The following THSD7A variants were observed in gnomAD, a reference collection of about 807,000 sequenced individuals.
THSD7A encodes thrombospondin type 1 domain containing 7A, also known as thrombospondin type-1 domain-containing protein 7A.
Under a neutral mutation model 231.3 loss-of-function variants are expected in THSD7A, and 96 were observed. That is an observed-to-expected ratio of 0.41 (90% CI 0.35 to 0.49). The LOEUF (loss-of-function observed/expected upper bound fraction) is 0.49. Ranked by LOEUF, THSD7A falls within the 20% of genes least tolerant of loss-of-function variation. The pLI, the probability that THSD7A is intolerant of heterozygous loss-of-function variation, is 0.05. For synonymous variants in THSD7A, 940 were observed against 743.3 expected, an observed-to-expected ratio of 1.26 and a Z score of -4.30; for missense variants, 2,290 against 2,070.2, an observed-to-expected ratio of 1.11 and a Z score of -2.06.
intron 4 of THSD7A, among the ~76,000 whole-genome samples, chr7:11,574,533 C>G (rs1176275563): frequency 6.6e-6 from 1 of 150,742 alleles, no homozygotes; most frequent in African/African-American, 2.4e-5. Flanking sequence ...CTCCCGGGTT[C>G]ACGCCATTCT....
chr7:11,439,580 AAAT>A (rs1187613427), intron 13 of THSD7A, among the ~76,000 whole-genome samples: 2 of 152,080 alleles, frequency 1.3e-5, no homozygotes, highest in African/African-American at 4.8e-5. Flanking sequence ...GTGAACACAC[AAAT>A]AATAAGAAAG....
chr7:11,755,890 A>G (rs757968689), intron 1 of THSD7A, among the ~76,000 whole-genome samples: 1 of 152,134 alleles, frequency 6.6e-6, no homozygotes, highest in Non-Finnish European at 1.5e-5. Flanking sequence ...TTTTGTGTCA[A>G]TAACAACTTT....
Position 11,797,661 on chromosome 7 carries a change from C to T in THSD7A, c.190+34096G>A, listed in dbSNP as rs373220436. 2.2e-4 allele frequency among the ~76,000 whole-genome samples: 34 copies of T among 151,982 alleles called. No individual in the cohort carries two copies. In the East Asian group the frequency reaches 2.3e-3, roughly 10 times the overall value. ...CTCAAACTTCTGGCCTTAAGCAATC[C>T]TCCCACCTCGGCCTCCTAAAGTATT... On this transcript the variant is annotated intron_variant, in intron 1 of 27. Coordinates refer to ENST00000423059, the MANE Select transcript of THSD7A (RefSeq NM_015204.3).
At chr7:11,656,475 G>A (rs1320994211) in intron 1 of THSD7A, among the ~76,000 whole-genome samples, 6 of 151,786 alleles carry the variant, frequency 4.0e-5, no homozygotes, top group African/African-American at 9.7e-5. Context: ...GATAGAGAAA[G>A]CTTGCAGTTG....
At chr7:11,578,056 G>T (rs1584014872) in intron 4 of THSD7A, among the ~76,000 whole-genome samples, 1 of 152,250 alleles carries the variant, frequency 6.6e-6, no homozygotes, top group Non-Finnish European at 1.5e-5. Context: ...CCCATGGCAG[G>T]ATTTTAACAC....
chr7:11,742,445 T>C (rs566819179), intron 1 of THSD7A, among the ~76,000 whole-genome samples: 6 of 151,988 alleles, frequency 3.9e-5, no homozygotes, highest in African/African-American at 1.4e-4. Context: ...TTTTTTGTTG[T>C]TTTAAGAATA....
intron 4 of THSD7A, among the ~76,000 whole-genome samples, chr7:11,544,783 A>C (rs936933643): frequency 6.6e-5 from 10 of 151,842 alleles, no homozygotes; most frequent in African/African-American, 2.4e-4. Context: ...AGTAGTGCTT[A>C]TCTCTCTCTC....
At chr7:11,773,214 G>C (rs144010644) in intron 1 of THSD7A, among the ~76,000 whole-genome samples, 45 of 152,274 alleles carry the variant, frequency 3.0e-4, no homozygotes, top group African/African-American at 1.1e-3. Context: ...CAATTTAGTA[G>C]TTAAATGTAA....
intron 1 of THSD7A, chr7:11,820,279 T>A: frequency 2.1e-6 from 1 of 484,298 alleles, no homozygotes; most frequent in Non-Finnish European, 3.4e-6. Context: ...TTCCAGCACC[T>A]CTCTCCCCTG....
intron 1 of THSD7A, among the ~76,000 whole-genome samples, chr7:11,757,255 T>A (rs961167238): frequency 1.6e-4 from 25 of 152,000 alleles, no homozygotes; most frequent in African/African-American, 6.0e-4. Context: ...ATTTATCAGA[T>A]CTATTTTCAT....
rs1183193547 is a variant in THSD7A at position 11,382,556 on chromosome 7, A to G, written c.4472T>C (p.Val1491Ala). ...TATACCATCTGACCTTTGACACCAC[A>G]CTGTTCGGGAAGAGCCCTTCCAAGC... is the stretch of plus-strand genomic sequence containing the variant. ...ASAWKGSSRT[V>A]WCQRSDGINV... Residue 1491 changes from valine to alanine, a missense_variant, in exon 24 of 28, where the codon GTG becomes GCG. Transcript: ENST00000423059. 1 of 1,612,900 alleles carries G rather than the reference A, an allele frequency of 6.2e-7. No homozygotes were observed.
chr7:11,790,199 C>G (rs151121495), intron 1 of THSD7A, among the ~76,000 whole-genome samples: 1 of 151,808 alleles, frequency 6.6e-6, no homozygotes, highest in Non-Finnish European at 1.5e-5. Flanking sequence ...TCAGCTAATG[C>G]TATATTGTTC....
At chr7:11,553,435 CAGTGAATGA>C (rs1771911039) in intron 4 of THSD7A, among the ~76,000 whole-genome samples, 2 of 152,050 alleles carry the variant, frequency 1.3e-5, no homozygotes, top group Admixed American at 6.6e-5. Context: ...CAGTGTAATT[CAGTGAATGA>C]AGTAAAGGAC....
intron 6 of THSD7A, 90 bp from the exon 7 acceptor site, chr7:11,482,072 T>C: frequency 1.5e-6 from 2 of 1,345,780 alleles, no homozygotes; most frequent in Non-Finnish European, 2.0e-6. Context: ...ATAAGTTACA[T>C]TATCTTTCTT....
chr7:11,425,786 C>T (rs1468245), intron 15 of THSD7A, among the ~76,000 whole-genome samples: 1 of 143,880 alleles, frequency 7.0e-6, no homozygotes. Context: ...AGACAGAGAG[C>T]AAGAGAGAGA....
chr7:11,771,717 C>A lies in THSD7A; in HGVS notation c.190+60040G>T, dbSNP rs576213284. 5.9e-5 allele frequency among the ~76,000 whole-genome samples: 9 copies of A among 152,204 alleles called. 1 individual carries two copies. The highest frequency in any genetic ancestry group is 3.9e-4 in the Admixed American group (6 of 15,290). ...CATCGCTAATTGATAAGGTTTGGAT[C>A]TATCTCCTCACCCAAATCTCACGTG... On this transcript the variant is annotated intron_variant, in intron 1 of 27. Transcript: ENST00000423059.
chr7:11,398,732 TG>T (rs1783287741), intron 23 of THSD7A, among the ~76,000 whole-genome samples: 1 of 152,164 alleles, frequency 6.6e-6, no homozygotes, highest in Non-Finnish European at 1.5e-5. Context: ...TATTATCTTT[TG>T]CCAGTCCTGC....
intron 25 of THSD7A, 111 bp from the exon 26 acceptor site, chr7:11,379,391 AC>A (rs1396412741): frequency 1.9e-6 from 2 of 1,032,388 alleles, no homozygotes; most frequent in Non-Finnish European, 2.9e-6. Context: ...GAATTACTAT[AC>A]ATAATTCCTC....
intron 13 of THSD7A, among the ~76,000 whole-genome samples, chr7:11,440,462 G>A (rs2128293040): frequency 6.6e-6 from 1 of 152,068 alleles, no homozygotes; most frequent in South Asian, 2.1e-4. Flanking sequence ...TCCAGGCAAA[G>A]TATATTGAAA....
Sources: allele counts gnomAD v4.1 joint callset (sites outside exome capture counted in the v4.1 genomes callset), GRCh38; gene constraint gnomAD v4.1.1; transcripts MANE v1.5; gene names NCBI Gene and HGNC (gene_info 2026-07-23, HGNC 2026-07-21).